ADGRV1: variants seen among roughly 807,000 people sequenced by gnomAD.
ADGRV1 encodes the protein adhesion G protein-coupled receptor V1.
Under a neutral mutation model 596.2 loss-of-function variants are expected in ADGRV1, and 359 were observed. The ratio of observed to expected loss-of-function variants is 0.60; its 90% CI spans 0.55 to 0.66. ADGRV1 has a LOEUF of 0.66. Among genes scored for constraint, ADGRV1 ranks in the 30% least tolerant of loss-of-function variants. The pLI, the probability that ADGRV1 is intolerant of heterozygous loss-of-function variation, is 0.00. For missense variants in ADGRV1, 7,274 were observed against 7,575.6 expected (o/e 0.96, Z 1.48); for synonymous variants, 2,681 against 2,679.2 (o/e 1.00, Z -0.02).
At chr5:90,817,894 C>T (rs1463903778) in intron 75 of ADGRV1, among the ~76,000 whole-genome samples, 1 of 152,150 alleles carries the variant, frequency 6.6e-6, no homozygotes, top group Non-Finnish European at 1.5e-5. Flanking sequence ...CTTGGCGATG[C>T]AGGCTCTTTT....
At chr5:90,765,100 C>T (rs1369302262) in intron 59 of ADGRV1, among the ~76,000 whole-genome samples, 1 of 152,166 alleles carries the variant, frequency 6.6e-6, no homozygotes, top group African/African-American at 2.4e-5. Flanking sequence ...CACCCTGCTT[C>T]TTCCCACTGG....
intron 85 of ADGRV1, among the ~76,000 whole-genome samples, chr5:91,034,770 C>A (rs1784731524): frequency 6.6e-6 from 1 of 152,138 alleles, no homozygotes; most frequent in Non-Finnish European, 1.5e-5. Flanking sequence ...GACAAGCAGA[C>A]AAAACAGCAT....
At chr5:90,638,010 G>T in intron 11 of ADGRV1, 62 bp downstream of exon 11, 33 of 1,178,998 alleles carry the variant, frequency 2.8e-5, no homozygotes, top group South Asian at 1.3e-4. Context: ...CAATAACTTT[G>T]ATTTTTTTTT....
At chr5:90,735,521 A>AT (rs1441956892) in intron 50 of ADGRV1, among the ~76,000 whole-genome samples, 2 of 152,038 alleles carry the variant, frequency 1.3e-5, no homozygotes, top group African/African-American at 4.8e-5. Context: ...ATGAATTTAA[A>AT]TTTTTTTTAT....
At chr5:90,926,550 G>T (rs1416465756) in intron 83 of ADGRV1, among the ~76,000 whole-genome samples, 1 of 151,704 alleles carries the variant, frequency 6.6e-6, no homozygotes, top group Non-Finnish European at 1.5e-5. Flanking sequence ...CTTGCTAGCG[G>T]TCTATCAATT....
chr5:90,615,624 T>C (rs1763268871), intron 2 of ADGRV1, among the ~76,000 whole-genome samples: 1 of 151,952 alleles, frequency 6.6e-6, no homozygotes, highest in Non-Finnish European at 1.5e-5. Context: ...GTACTTATAC[T>C]TTTTGTTTGC....
At chr5:90,960,160 A>C (rs1410762257) in intron 83 of ADGRV1, among the ~76,000 whole-genome samples, 1 of 151,470 alleles carries the variant, frequency 6.6e-6, no homozygotes. Context: ...AAAACAAAAA[A>C]CAGATCAGTG....
chr5:91,073,328 T>C (rs1788552155), intron 86 of ADGRV1, among the ~76,000 whole-genome samples: 1 of 152,218 alleles, frequency 6.6e-6, no homozygotes, highest in Non-Finnish European at 1.5e-5. Flanking sequence ...AGAGGATCCC[T>C]CTTGGGCCAA....
intron 87 of ADGRV1, 21 bp from the exon 88 acceptor site, chr5:91,150,009 C>CTTTTTTTTTTTTTTT: frequency 7.8e-7 from 1 of 1,288,698 alleles, no homozygotes; most frequent in Non-Finnish European, 1.0e-6. Flanking sequence ...CTTTTCTTTT[C>CTTTTTTTTTTTTTTT]TTTTTTTTTT....
chr5:90,797,905 A>G (rs531990877), intron 70 of ADGRV1, among the ~76,000 whole-genome samples: 7 of 152,342 alleles, frequency 4.6e-5, no homozygotes, highest in African/African-American at 1.7e-4. Context: ...AATGTACCAG[A>G]ATCTCTGGGA....
intron 85 of ADGRV1, among the ~76,000 whole-genome samples, chr5:91,004,150 C>T (rs1350574131): frequency 6.6e-6 from 1 of 152,044 alleles, no homozygotes; most frequent in Non-Finnish European, 1.5e-5. Context: ...GGGAAGGCTA[C>T]CTGTAAAAGA....
intron 84 of ADGRV1, among the ~76,000 whole-genome samples, chr5:90,973,600 C>G (rs1173501350): frequency 6.6e-6 from 1 of 152,160 alleles, no homozygotes; most frequent in African/African-American, 2.4e-5. Flanking sequence ...AAGACAAAAA[C>G]CACATGATTA....
At chr5:90,633,356 G>A (rs1236781006) in intron 9 of ADGRV1, among the ~76,000 whole-genome samples, 1 of 136,654 alleles carries the variant, frequency 7.3e-6, no homozygotes, top group Non-Finnish European at 1.6e-5. Flanking sequence ...AGGGAAATAT[G>A]ACTTATATAT....
chr5:90,889,768 A>G (rs1770636028), intron 83 of ADGRV1, among the ~76,000 whole-genome samples: 2 of 152,108 alleles, frequency 1.3e-5, no homozygotes, highest in South Asian at 4.1e-4. Context: ...TTGTGATACC[A>G]TTTGTTAATG....
intron 85 of ADGRV1, among the ~76,000 whole-genome samples, chr5:91,047,024 C>T (rs1447595975): frequency 2.6e-5 from 4 of 151,942 alleles, no homozygotes; most frequent in Admixed American, 1.3e-4. Context: ...TAATAGATAC[C>T]GGCGTGGATG....
chr5:90,951,359 C>T (rs1164107017), intron 83 of ADGRV1, among the ~76,000 whole-genome samples: 1 of 152,128 alleles, frequency 6.6e-6, no homozygotes, highest in African/African-American at 2.4e-5. Context: ...GAGTGAATTA[C>T]ATTTCTGTAA....
intron 14 of ADGRV1, among the ~76,000 whole-genome samples, 181 bp from the exon 15 acceptor site, chr5:90,644,525 C>A (rs948044022): frequency 6.6e-6 from 1 of 152,168 alleles, no homozygotes; most frequent in Non-Finnish European, 1.5e-5. Flanking sequence ...TATATACCTA[C>A]AGAGGGAGGA....
Position 90,855,722 on chromosome 5 carries a change from T to C in ADGRV1, c.17595-19T>C. 6.5e-7 allele frequency: 1 copy of C among 1,529,210 alleles called. No individual in the cohort carries two copies. The highest frequency in any genetic ancestry group is 8.8e-7 in the Non-Finnish European group (1 of 1,135,980). The allele number at this position is 1,529,210 out of a possible 1,614,324, so 94.7% of individuals were successfully genotyped here. Reference sequence around the variant, plus strand: ...GTATTGATGAAAGAGGAAAAATGACTATTGTGTTTTTGCCCTAGCTGGTTG... The same window carrying C: ...GTATTGATGAAAGAGGAAAAATGACCATTGTGTTTTTGCCCTAGCTGGTTG... On this transcript the variant is annotated intron_variant, in intron 81 of 89. Coordinates refer to ENST00000405460, the MANE Select transcript of ADGRV1 (RefSeq NM_032119.4).
chr5:90,832,274 T>G (rs1764589662), intron 77 of ADGRV1, among the ~76,000 whole-genome samples: 1 of 152,182 alleles, frequency 6.6e-6, no homozygotes, highest in Non-Finnish European at 1.5e-5. Flanking sequence ...ATTATTGCCT[T>G]TCTTTTGCAT....
Sources: gnomAD v4.1 joint callset for allele counts (sites outside exome capture counted in the v4.1 genomes callset) on GRCh38, gnomAD v4.1.1 for gene constraint, MANE v1.5 for transcripts, NCBI Gene and HGNC (gene_info 2026-07-23, HGNC 2026-07-21) for gene names.